POM121C: variants seen among roughly 807,000 people sequenced by gnomAD.
The protein encoded by POM121C is nuclear envelope pore membrane protein POM 121C.
Under a neutral mutation model 66.4 loss-of-function variants are expected in POM121C, and 20 were observed. The observed-to-expected ratio is 0.30, with a 90% CI of 0.21 to 0.44. POM121C has a LOEUF of 0.44. Ranked by LOEUF, POM121C falls within the 20% of genes least tolerant of loss-of-function variation. The probability of loss-of-function intolerance (pLI) is 1.00; values close to 1 mark genes in which losing one functional copy is unlikely to be tolerated. For missense variants in POM121C, 580 were observed against 1,225.7 expected (o/e 0.47, Z 7.87); for synonymous variants, 286 against 528.0 (o/e 0.54, Z 6.28).
intron 3 of POM121C, among the ~76,000 whole-genome samples, chr7:75,469,954 T>C (rs1182526089): frequency 6.6e-6 from 1 of 152,216 alleles, no homozygotes; most frequent in Non-Finnish European, 1.5e-5. Flanking sequence ...TTGACACATA[T>C]ATTTTATTTG....
chr7:75,464,599 A>G (rs1377717775), intron 3 of POM121C, among the ~76,000 whole-genome samples: 1 of 151,242 alleles, frequency 6.6e-6, no homozygotes, highest in Non-Finnish European at 1.5e-5. Context: ...ACCCTGTCTC[A>G]ATAAAAGAAT....
rs781806876 is a variant in POM121C at position 75,421,745 on chromosome 7, G to C, written c.2507C>G (p.Thr836Arg). 6.2e-7 allele frequency: 1 copy of C among 1,607,966 alleles called. No individual in the cohort carries two copies. Among genetic ancestry groups the C allele is most frequent in the African/African-American group, 1.3e-5 (1 of 74,762 alleles). Residue 836 changes from threonine (T) to arginine (R), a missense_variant, in exon 13 of 15, where the codon ACG (threonine) becomes AGG (arginine). Thr to Arg is a moderately conservative substitution (Grantham distance 71). Transcript: ENST00000615331. ...AGCGGGGGCTGCCGAACCCCCAAAC[G>C]TGAAGGGTGATGGTGTTGTGCTGCC... ...VFGSTTPSPF[T>R]FGGSAAPAGS...
chr7:75,453,246 T>A (rs1554475921), intron 3 of POM121C, among the ~76,000 whole-genome samples: 1 of 123,826 alleles, frequency 8.1e-6, no homozygotes, highest in East Asian at 2.3e-4. Flanking sequence ...TCCTCAGCAA[T>A]ACAGAGAGAC....
intron 3 of POM121C, among the ~76,000 whole-genome samples, chr7:75,453,256 C>A (rs1791085803): frequency 6.7e-6 from 1 of 148,314 alleles, no homozygotes; most frequent in Admixed American, 6.8e-5. Context: ...TACAGAGAGA[C>A]CCTATCTCTA....
In POM121C at chr7:75,441,056, C is replaced by T. The variant is rs182076484; in HGVS notation, c.125G>A (p.Cys42Tyr). The T allele has an allele frequency of 7.6e-4, 1,232 of 1,613,962 alleles. 1 individual carries two copies. The highest frequency in any genetic ancestry group is 9.7e-4 in the Non-Finnish European group (1,149 of 1,179,868). The change falls in exon 5 of 15, where the codon TGT (cysteine) becomes TAT (tyrosine). Residue 42 changes from cysteine (C) to tyrosine (Y), a missense_variant. Physicochemically the swap from Cys to Tyr is radical, Grantham distance 194. Transcript: ENST00000615331. The part of the protein sequence containing the change: ...SSPSSNAPDP[C>Y]AKETVLSALK... The stretch of plus-strand genomic sequence containing the variant: ...GGCACTCAGTACAGTCTCCTTTGCA[C>T]ATGGGTCTGGGGCATTACTTGATGG...
At position 75,421,649 on chromosome 7, in the gene POM121C, C is replaced by A. The variant is rs782778844; in HGVS notation, c.2603G>T (p.Gly868Val). 1.6e-5 allele frequency: 26 copies of A among 1,613,392 alleles called. No homozygotes were observed. In the Admixed American group the frequency reaches 4.0e-4, roughly 25 times the overall value. ...GGCTGTGCTCCCACTCTGTCCTGCTCCAAAGCTGAAAGCTCCGGTGGTGGC... is the reference window on the plus strand; with the variant it reads ...GGCTGTGCTCCCACTCTGTCCTGCTACAAAGCTGAAAGCTCCGGTGGTGGC... ...SSATTGAFSF[G>V]AGQSGSTATS... is the part of the protein sequence containing the mutation. Residue 868 changes from glycine to valine, a missense_variant, in exon 13 of 15, where the codon GGA becomes GTA. Physicochemically the swap from Gly to Val is moderately radical, Grantham distance 109 (BLOSUM62 -3). Transcript: ENST00000615331.
rs192300334 is a variant in POM121C, at chr7:75,436,903, G to A, written c.480+612C>T. On this transcript the variant is annotated intron_variant, in intron 7 of 14. Coordinates refer to ENST00000615331, the MANE Select transcript of POM121C (RefSeq NM_001099415.3). Reference sequence around the variant, plus strand: ...CCCAAAGTGATGGGATTACAGGCATGAGCCATCCCGCCCAGCCTCAGAGCC... The same window carrying A: ...CCCAAAGTGATGGGATTACAGGCATAAGCCATCCCGCCCAGCCTCAGAGCC... 9.2e-4 allele frequency among the ~76,000 whole-genome samples: 140 copies of A among 152,144 alleles called. No homozygotes were observed. In the Middle Eastern group the frequency reaches 0.017, roughly 18 times the overall value.
At chr7:75,448,400 GT>G (rs1790903655) in intron 3 of POM121C, among the ~76,000 whole-genome samples, 1 of 146,036 alleles carries the variant, frequency 6.8e-6, no homozygotes, top group African/African-American at 2.5e-5. Flanking sequence ...ATATGTGCCT[GT>G]TTTTCCTTAT....
At chr7:75,432,187 A>G (rs75990968) in intron 7 of POM121C, among the ~76,000 whole-genome samples, 2 of 11,894 alleles carry the variant, frequency 1.7e-4, no homozygotes, top group Non-Finnish European at 5.6e-4. Flanking sequence ...TCTGTCTCAA[A>G]AAAAAAAAAA....
In POM121C at chr7:75,421,599, A is replaced by C. The variant is rs1554470649; in HGVS notation, c.2653T>G (p.Leu885Val). The change falls in exon 13 of 15, where the codon TTA (leucine) becomes GTA (valine). Residue 885 changes from leucine (L) to valine (V), a missense_variant. Coordinates refer to ENST00000615331, the MANE Select transcript of POM121C (RefSeq NM_001099415.3). ...GTGGTGCCCAGGGCGTTCTGACCTA[A>C]GCCCCCTGTGAAGGGGGTGGAGGTG... ...TATSTPFTGGLGQNALGTTGQ... is the reference protein window; with the variant it reads ...TATSTPFTGGVGQNALGTTGQ... 12 of 1,613,418 alleles carry C rather than the reference A, an allele frequency of 7.4e-6. No individual in the cohort carries two copies. The highest frequency in any genetic ancestry group is 1.0e-5 in the Non-Finnish European group (12 of 1,179,786).
chr7:75,467,852 G>A (rs1470983759), intron 3 of POM121C, among the ~76,000 whole-genome samples: 9 of 151,790 alleles, frequency 5.9e-5, no homozygotes, highest in Admixed American at 2.6e-4. Flanking sequence ...AAAATAGGCC[G>A]GGCACTGTGG....
At chr7:75,434,811 GTGA>G (rs1422643116) in intron 7 of POM121C, among the ~76,000 whole-genome samples, 13 of 152,038 alleles carry the variant, frequency 8.6e-5, no homozygotes, top group African/African-American at 3.1e-4. Flanking sequence ...TCGAACTCAG[GTGA>G]TCTGCCTGCC....
Position 75,417,680 on chromosome 7 carries a change from G to C in POM121C, c.*1116C>G. On this transcript the variant is annotated 3_prime_UTR_variant, in exon 15 of 15. Coordinates refer to ENST00000615331, the MANE Select transcript of POM121C (RefSeq NM_001099415.3). ...TAGCCTCCAGTGAGGTCAGTTAAGT[G>C]GGACAGAAACCGCAGAGGGAAGAGG... 2.0e-6 allele frequency: 2 copies of C among 985,782 alleles called. No homozygotes were observed. Among genetic ancestry groups the C allele is most frequent in the Non-Finnish European group, 2.4e-6 (2 of 829,902 alleles). 61.1% of individuals were successfully genotyped at this position (985,782 alleles called of 1,614,324 possible). A position where few individuals can be genotyped will look rare whatever the true frequency, so the allele number is the denominator to read the frequency against.
At chr7:75,453,316 T>C (rs2599317) in intron 3 of POM121C, among the ~76,000 whole-genome samples, 32 of 148,340 alleles carry the variant, frequency 2.2e-4, no homozygotes, top group African/African-American at 5.7e-4. Flanking sequence ...GGCGTGGTGG[T>C]TCACGCCTAT....
chr7:75,419,600 C>A, intron 13 of POM121C, 158 bp from the exon 14 acceptor site: 2 of 842,454 alleles, frequency 2.4e-6, no homozygotes, highest in Non-Finnish European at 3.6e-6. Flanking sequence ...GCCAGACAAC[C>A]GAGTCTTCAT....
At chr7:75,421,483 T>C in intron 13 of POM121C, 26 bp downstream of exon 13, 3 of 1,610,790 alleles carry the variant, frequency 1.9e-6, no homozygotes, top group East Asian at 2.2e-5. Context: ...TCCGGCCCGG[T>C]AGCCCAAGTC....
At chr7:75,485,150 T>G (rs1195820319) in intron 1 of POM121C, among the ~76,000 whole-genome samples, 1 of 152,158 alleles carries the variant, frequency 6.6e-6, no homozygotes, top group Admixed American at 6.6e-5. Flanking sequence ...CCGCCCGCAT[T>G]TTCTTATTGT....
chr7:75,447,608 A>T (rs1790868186), intron 3 of POM121C, among the ~76,000 whole-genome samples: 1 of 152,088 alleles, frequency 6.6e-6, no homozygotes, highest in Non-Finnish European at 1.5e-5. Context: ...AGTTAAATAA[A>T]CATATTTTCA....
intron 3 of POM121C, among the ~76,000 whole-genome samples, chr7:75,472,961 T>C (rs1438639179): frequency 2.6e-5 from 4 of 152,140 alleles, no homozygotes; most frequent in African/African-American, 9.7e-5. Flanking sequence ...GTAATCCAGG[T>C]ATGGGAGAAT....
Sources: gnomAD v4.1 joint callset for allele counts (sites outside exome capture counted in the v4.1 genomes callset) on GRCh38, gnomAD v4.1.1 for gene constraint, MANE v1.5 for transcripts, NCBI Gene and HGNC (gene_info 2026-07-23, HGNC 2026-07-21) for gene names.